The following APBB1IP variants were observed in gnomAD, a reference collection of about 807,000 sequenced individuals.
APBB1IP encodes amyloid beta A4 precursor protein-binding family B member 1-interacting protein.
In APBB1IP, 27 loss-of-function variants were observed where a neutral mutation model predicts 64.9. The ratio of observed to expected loss-of-function variants is 0.42; its 90% CI spans 0.31 to 0.57. The LOEUF (loss-of-function observed/expected upper bound fraction) is 0.57. Among genes scored for constraint, APBB1IP ranks in the 20% least tolerant of loss-of-function variants. The pLI, the probability that APBB1IP is intolerant of heterozygous loss-of-function variation, is 0.20. For synonymous variants in APBB1IP, 392 were observed against 331.0 expected (o/e 1.18, Z -2.00); for missense variants, 812 against 845.5 (o/e 0.96, Z 0.49).
In APBB1IP at chr10:26,496,283, T is replaced by C. The variant is rs369446926; in HGVS notation, c.73-21T>C. On this transcript the variant is annotated intron_variant, in intron 3 of 14. Transcript: ENST00000376236. Reference sequence around the variant, plus strand: ...ATGTTTGTATCATGAATAACTTTGATGGGGGGATCTTTTTTCACAGAGTTT... The same window carrying C: ...ATGTTTGTATCATGAATAACTTTGACGGGGGGATCTTTTTTCACAGAGTTT... The C allele has an allele frequency of 2.1e-5, 33 of 1,570,886 alleles. No individual in the cohort carries two copies. In the African/African-American group the frequency reaches 3.6e-4, roughly 17 times the overall value.
In APBB1IP at chr10:26,500,952, T is replaced by C. The variant is rs1217801309; in HGVS notation, c.294T>C (p.Ser98=). ...TGCAGAATCAACATCATTCAGCATC[T>C]CTACAAGCATCAATTTTCAGTGGTG... ...ESLQNQHHSA[S]LQASIFSGAA... is the part of the protein sequence containing the mutation. The change falls in exon 5 of 15, where the codon TCT becomes TCC. Residue 98 remains serine (S), a synonymous_variant. Transcript: ENST00000376236. The C allele has an allele frequency of 6.2e-7, 1 of 1,614,172 alleles. No individual in the cohort carries two copies. Among genetic ancestry groups the C allele is most frequent in the Admixed American group, 1.7e-5 (1 of 59,998 alleles).
chr10:26,474,808 A>G (rs1345854041), intron 2 of APBB1IP, among the ~76,000 whole-genome samples: 1 of 152,244 alleles, frequency 6.6e-6, no homozygotes, highest in African/African-American at 2.4e-5. Flanking sequence ...TGTGATTACC[A>G]GAAAAGTTCC....
chr10:26,533,040 C>T (rs1041037309), intron 8 of APBB1IP, among the ~76,000 whole-genome samples: 3 of 152,346 alleles, frequency 2.0e-5, no homozygotes, highest in East Asian at 1.9e-4. Context: ...ATCTGCCTGC[C>T]GGAGCAGTTC....
At chr10:26,528,260 G>A (rs180925022) in intron 8 of APBB1IP, among the ~76,000 whole-genome samples, 4 of 152,268 alleles carry the variant, frequency 2.6e-5, no homozygotes, top group Non-Finnish European at 5.9e-5. Context: ...AACTGGGAGC[G>A]ATGGTCTGAT....
At chr10:26,523,841 GA>G (rs1836435873) in intron 8 of APBB1IP, among the ~76,000 whole-genome samples, 1 of 152,036 alleles carries the variant, frequency 6.6e-6, no homozygotes, top group Non-Finnish European at 1.5e-5. Context: ...CTTAAAAAAA[GA>G]AAGACCCTGG....
At chr10:26,523,886 C>T (rs1013805159) in intron 8 of APBB1IP, among the ~76,000 whole-genome samples, 2 of 152,252 alleles carry the variant, frequency 1.3e-5, no homozygotes, top group South Asian at 4.2e-4. Context: ...GTGGCTCAGG[C>T]TTCCCCATGG....
intron 2 of APBB1IP, among the ~76,000 whole-genome samples, chr10:26,447,285 G>A (rs4747560): frequency 0.39 from 58,245 of 149,964 alleles, 11,489 homozygotes; most frequent in South Asian, 0.5. Flanking sequence ...TGAGGCAGGA[G>A]AGTGGCATGA....
At chr10:26,508,414 C>A (rs787032) in intron 6 of APBB1IP, among the ~76,000 whole-genome samples, 20,584 of 150,024 alleles carry the variant, frequency 0.14, 2,138 homozygotes, top group East Asian at 0.3. Context: ...ACAAAAAAAA[C>A]CCCCCACAAA....
chr10:26,519,987 C>A (rs1836383617), intron 8 of APBB1IP, among the ~76,000 whole-genome samples: 1 of 152,096 alleles, frequency 6.6e-6, no homozygotes, highest in Admixed American at 6.6e-5. Context: ...GTGCTAATAC[C>A]CTTTGATTGT....
chr10:26,526,653 A>T (rs1436774786), intron 8 of APBB1IP, among the ~76,000 whole-genome samples: 2 of 152,098 alleles, frequency 1.3e-5, no homozygotes, highest in African/African-American at 2.4e-5. Context: ...CGGGAGGCGG[A>T]AGTTGCGGTG....
intron 2 of APBB1IP, among the ~76,000 whole-genome samples, chr10:26,441,235 A>C (rs368882842): frequency 6.6e-6 from 1 of 152,222 alleles, no homozygotes; most frequent in African/African-American, 2.4e-5. Context: ...TAAATGCCAG[A>C]TTTTAAAGTG....
intron 2 of APBB1IP, among the ~76,000 whole-genome samples, chr10:26,459,957 GC>G (rs1239224212): frequency 6.6e-6 from 1 of 151,950 alleles, no homozygotes; most frequent in Non-Finnish European, 1.5e-5. Context: ...AATTTTGTAA[GC>G]CAAATTTTTA....
intron 2 of APBB1IP, among the ~76,000 whole-genome samples, chr10:26,452,278 G>A (rs2992263): frequency 0.61 from 92,090 of 152,038 alleles, 28,555 homozygotes; most frequent in East Asian, 0.92. Context: ...GCTGAGAGAA[G>A]GTCTAAATGA....
intron 8 of APBB1IP, among the ~76,000 whole-genome samples, chr10:26,532,665 T>C (rs1489835792): frequency 6.6e-6 from 1 of 151,898 alleles, no homozygotes; most frequent in Non-Finnish European, 1.5e-5. Context: ...TTCATTATTA[T>C]TTTTAGTAGA....
intron 6 of APBB1IP, among the ~76,000 whole-genome samples, chr10:26,510,471 G>A (rs1392613832): frequency 6.6e-6 from 1 of 152,172 alleles, no homozygotes; most frequent in Non-Finnish European, 1.5e-5. Flanking sequence ...AGTGGCTCAT[G>A]CCTGTAATCC....
intron 2 of APBB1IP, among the ~76,000 whole-genome samples, chr10:26,472,101 CG>C (rs939021217): frequency 4.6e-5 from 7 of 151,970 alleles, no homozygotes; most frequent in African/African-American, 1.7e-4. Flanking sequence ...GTGGGGGCTG[CG>C]GGGGGAAGAA....
intron 2 of APBB1IP, among the ~76,000 whole-genome samples, chr10:26,470,435 A>T (rs771243753): frequency 1.3e-5 from 2 of 152,124 alleles, no homozygotes; most frequent in Non-Finnish European, 2.9e-5. Context: ...GCTACTAGGG[A>T]GGCTGAGGCA....
intron 14 of APBB1IP, among the ~76,000 whole-genome samples, chr10:26,564,769 C>T (rs1837018484): frequency 6.6e-6 from 1 of 151,866 alleles, no homozygotes; most frequent in African/African-American, 2.4e-5. Context: ...TGCCACTGCA[C>T]TCCAGCCGTG....
intron 8 of APBB1IP, among the ~76,000 whole-genome samples, chr10:26,530,734 C>T (rs1029242897): frequency 6.6e-6 from 1 of 151,830 alleles, no homozygotes; most frequent in African/African-American, 2.4e-5. Context: ...TGCCACTAAT[C>T]GGCCTTGGGA....
Sources: gnomAD v4.1 joint callset for allele counts (sites outside exome capture counted in the v4.1 genomes callset) on GRCh38, gnomAD v4.1.1 for gene constraint, MANE v1.5 for transcripts, NCBI Gene and HGNC (gene_info 2026-07-23, HGNC 2026-07-21) for gene names.